The following NUSAP1 variants were observed in gnomAD, a reference collection of about 807,000 sequenced individuals.
NUSAP1 encodes nucleolar and spindle-associated protein 1.
In NUSAP1, 32 loss-of-function variants were observed where a neutral mutation model predicts 52.8. The observed-to-expected ratio is 0.61, with a 90% CI of 0.46 to 0.81. The LOEUF is 0.81. Ranked by LOEUF, NUSAP1 falls within the 40% of genes least tolerant of loss-of-function variation. The pLI, the probability that NUSAP1 is intolerant of heterozygous loss-of-function variation, is 0.00. For synonymous variants in NUSAP1, 195 were observed against 183.1 expected (o/e 1.06, Z -0.52); for missense variants, 499 against 522.3 (o/e 0.96, Z 0.43).
rs760870177 is a variant in NUSAP1 at position 41,333,007 on chromosome 15, T to A, written c.50T>A (p.Leu17Gln). ...CTGGACTCCCTCAAGTACAGTGACC[T>A]GCAGAACTTAGCCAAGAGTCTGGGT... ...EELDSLKYSD[L>Q]QNLAKSLGLR... The change falls in exon 1 of 11, where the codon CTG (leucine) becomes CAG (glutamine). Residue 17 changes from leucine (L) to glutamine (Q), a missense_variant. Transcript: ENST00000559596. 1.9e-6 allele frequency: 3 copies of A among 1,612,192 alleles called. No individual in the cohort carries two copies. The highest frequency in any genetic ancestry group is 1.7e-6 in the Non-Finnish European group (2 of 1,179,162).
intron 4 of NUSAP1, among the ~76,000 whole-genome samples, chr15:41,352,995 AGGCACAAGTGCT>A (rs2140647514): frequency 6.6e-6 from 1 of 152,244 alleles, no homozygotes; most frequent in South Asian, 2.1e-4. Flanking sequence ...GCACCCTAGG[AGGCACAAGTGCT>A]GGTTTTTCCT....
chr15:41,339,485 A>G (rs58165973), intron 1 of NUSAP1, among the ~76,000 whole-genome samples: 2,303 of 149,898 alleles, frequency 0.015, 70 homozygotes, highest in African/African-American at 0.054. Context: ...ATCTCAGCTC[A>G]CTGCAACCTC....
intron 1 of NUSAP1, among the ~76,000 whole-genome samples, chr15:41,336,143 C>T (rs1268428267): frequency 6.6e-6 from 1 of 151,246 alleles, no homozygotes; most frequent in Admixed American, 6.6e-5. Flanking sequence ...ACCTGTAATC[C>T]CAGCTACTCG....
intron 4 of NUSAP1, among the ~76,000 whole-genome samples, chr15:41,355,183 A>T (rs1047194987): frequency 3.3e-5 from 5 of 149,642 alleles, no homozygotes; most frequent in African/African-American, 7.4e-5. Context: ...GTATTTATTT[A>T]TTTTTTTTGA....
At chr15:41,357,855 T>C (rs74516451) in intron 5 of NUSAP1, among the ~76,000 whole-genome samples, 6,167 of 152,258 alleles carry the variant, frequency 0.041, 244 homozygotes, top group African/African-American at 0.1. Context: ...TTGTGACTAA[T>C]TGGTAGGGGA....
At chr15:41,352,825 G>A (rs1595556754) in intron 4 of NUSAP1, among the ~76,000 whole-genome samples, 1 of 152,000 alleles carries the variant, frequency 6.6e-6, no homozygotes, top group African/African-American at 2.4e-5. Context: ...CTAAAGTGCT[G>A]GGATTACAGG....
chr15:41,349,109 A>G lies in NUSAP1; in HGVS notation c.174A>G (p.Gln58=). The G allele has an allele frequency of 6.2e-7, 1 of 1,613,830 alleles. No individual in the cohort carries two copies. Among genetic ancestry groups the G allele is most frequent in the Non-Finnish European group, 8.5e-7 (1 of 1,179,764 alleles). ...RKGNENQDES[Q]TSASSCDETE... ...ACCTCTCTTTTCAGGATGAAAGTCA[A>G]ACTTCTGCATCCTCTTGTGATGAGA... Residue 58 remains glutamine, a synonymous_variant, in exon 3 of 11, where the codon CAA becomes CAG. Transcript: ENST00000559596.
chr15:41,377,249 G>A lies in NUSAP1; in HGVS notation c.1177G>A (p.Val393Ile), dbSNP rs548712030. 28 of 1,543,358 alleles carry A rather than the reference G, an allele frequency of 1.8e-5. No individual in the cohort carries two copies. The African/African-American group carries it at 2.6e-4, about 14-fold the overall frequency. The change falls in exon 10 of 11, where the codon GTC becomes ATC. Residue 393 changes from valine (V) to isoleucine (I), a missense_variant. Coordinates refer to ENST00000559596, the MANE Select transcript of NUSAP1 (RefSeq NM_016359.5). The stretch of plus-strand genomic sequence containing the variant: ...AGAAAATAATTATCTAAATCAACAT[G>A]TCAACAGAATTAACTTCTACAAGAA... ...SKENNYLNQH[V>I]NRINFYKKTY...
intron 2 of NUSAP1, chr15:41,345,522 C>A: frequency 2.5e-6 from 1 of 407,190 alleles, no homozygotes; most frequent in South Asian, 1.8e-5. Context: ...TGCAATGACA[C>A]GATCTCGGCT....
chr15:41,362,009 C>T (rs1303682993), intron 6 of NUSAP1, among the ~76,000 whole-genome samples: 1 of 152,008 alleles, frequency 6.6e-6, no homozygotes, highest in Non-Finnish European at 1.5e-5. Context: ...TTTATGATAA[C>T]AAAAGACAGA....
At position 41,351,072 on chromosome 15, in the gene NUSAP1, G is replaced by T; in HGVS notation, c.391G>T (p.Ala131Ser). 1 of 1,613,774 alleles carries T rather than the reference G, an allele frequency of 6.2e-7. No homozygotes were observed. The highest frequency in any genetic ancestry group is 8.5e-7 in the Non-Finnish European group (1 of 1,179,808). Residue 131 changes from alanine (A) to serine (S), a missense_variant, in exon 4 of 11, where the codon GCA (alanine) becomes TCA (serine). Coordinates refer to ENST00000559596, the MANE Select transcript of NUSAP1 (RefSeq NM_016359.5). ...GGAAAGCCAGGATCTCAGAGCTACT[G>T]CAAAAGTTCCTTCTCCACCAGACGA... ...KQESQDLRAT[A>S]KVPSPPDEHQ...
chr15:41,360,793 CT>C (rs1180569684), intron 6 of NUSAP1, among the ~76,000 whole-genome samples: 3,391 of 116,984 alleles, frequency 0.029, 32 homozygotes, highest in Middle Eastern at 0.057. Context: ...GTTTATCCAT[CT>C]TTTTTTTTTT....
rs201804044 is a variant in NUSAP1, at chr15:41,356,128, A to G, written c.538A>G (p.Ile180Val). 2.0e-4 allele frequency: 323 copies of G among 1,592,816 alleles called. No individual in the cohort carries two copies. The Middle Eastern group carries it at 2.5e-3, about 12-fold the overall frequency. Residue 180 changes from isoleucine to valine, a missense_variant, in exon 5 of 11, where the codon ATC becomes GTC. By Grantham distance (29) the Ile-to-Val change is conservative. Coordinates refer to ENST00000559596, the MANE Select transcript of NUSAP1 (RefSeq NM_016359.5). The part of the protein sequence containing the change: ...SKPGKNKRTA[I>V]TTPNFKKLHE... ...ACCTGGAAAAAATAAAAGAACTGCA[A>G]TCACTACTCCAAGTAAGTTTTGTAG...
Position 41,365,454 on chromosome 15 carries a change from G to C in NUSAP1, c.713G>C (p.Arg238Thr), listed in dbSNP as rs762284874. ...GVRTPVPPRG[R>T]LSVASTPISQ... ...AGGACTCCAGTACCTCCAAGAGGAAGACTCTCTGTGGCTTCTACTCCCATC... is the reference window on the plus strand; with the variant it reads ...AGGACTCCAGTACCTCCAAGAGGAACACTCTCTGTGGCTTCTACTCCCATC... Residue 238 changes from arginine (R) to threonine (T), a missense_variant, in exon 7 of 11, where the codon AGA (arginine) becomes ACA (threonine). Coordinates refer to ENST00000559596, the MANE Select transcript of NUSAP1 (RefSeq NM_016359.5). 1 of 1,613,078 alleles carries C rather than the reference G, an allele frequency of 6.2e-7. No homozygotes were observed. Among genetic ancestry groups the C allele is most frequent in the Non-Finnish European group, 8.5e-7 (1 of 1,179,500 alleles).
chr15:41,349,061 GACATAGC>G, intron 2 of NUSAP1, 30 bp from the exon 3 acceptor site: 1 of 1,594,352 alleles, frequency 6.3e-7, no homozygotes, highest in Non-Finnish European at 8.6e-7. Flanking sequence ...TATAACTGTA[GACATAGC>G]ACATAGCAGA....
intron 1 of NUSAP1, among the ~76,000 whole-genome samples, chr15:41,337,323 C>T (rs915660521): frequency 6.6e-6 from 1 of 152,112 alleles, no homozygotes; most frequent in African/African-American, 2.4e-5. Flanking sequence ...TTGGCCCCAC[C>T]ACCAAACCTT....
At chr15:41,360,050 C>G (rs973243507) in intron 6 of NUSAP1, among the ~76,000 whole-genome samples, 28 of 151,958 alleles carry the variant, frequency 1.8e-4, no homozygotes, top group African/African-American at 6.8e-4. Context: ...CCTCTGCTTC[C>G]CGGATGCAGC....
At position 41,380,113 on chromosome 15, in the gene NUSAP1, G is replaced by T. The variant is rs377439794; in HGVS notation, c.1253G>T (p.Arg418Leu). Residue 418 changes from arginine to leucine, a missense_variant, in exon 11 of 11, where the codon CGC (arginine) becomes CTC (leucine). Coordinates refer to ENST00000559596, the MANE Select transcript of NUSAP1 (RefSeq NM_016359.5). ...LQTKEEQRKK[R>L]EQERKEKKAK... ...CTCAGGGAAGAGCAACGGAAGAAAC[G>T]CGAGCAAGAACGAAAGGAGAAGAAA... The T allele has an allele frequency of 8.2e-6, 13 of 1,586,340 alleles. No individual in the cohort carries two copies. In the African/African-American group the frequency reaches 1.8e-4, roughly 21 times the overall value.
intron 10 of NUSAP1, among the ~76,000 whole-genome samples, chr15:41,378,647 G>A (rs2050071605): frequency 6.6e-6 from 1 of 152,070 alleles, no homozygotes; most frequent in African/African-American, 2.4e-5. Context: ...GCACATACCT[G>A]TAATCCCAGC....
Sources: allele counts gnomAD v4.1 joint callset (sites outside exome capture counted in the v4.1 genomes callset), GRCh38; gene constraint gnomAD v4.1.1; transcripts MANE v1.5; gene names NCBI Gene and HGNC (gene_info 2026-07-23, HGNC 2026-07-21).